Variants in ATP6V1C2 observed in about 807,000 individuals in gnomAD.
The protein encoded by ATP6V1C2 is V-type proton ATPase subunit C 2.
A neutral mutation model predicts 56.8 loss-of-function variants in ATP6V1C2; 45 were observed. The ratio of observed to expected loss-of-function variants is 0.79; its 90% CI spans 0.62 to 1.02. The LOEUF (loss-of-function observed/expected upper bound fraction) is 1.02. Ranked by LOEUF, ATP6V1C2 falls within the 50% of genes least tolerant of loss-of-function variation. The pLI is 0.00. For synonymous variants in ATP6V1C2, 220 were observed against 201.3 expected, an observed-to-expected ratio of 1.09 and a Z score of -0.79; for missense variants, 463 against 519.7, an observed-to-expected ratio of 0.89 and a Z score of 1.06.
At chr2:10,772,023 AG>A in intron 7 of ATP6V1C2, 86 bp downstream of exon 7, 1 of 1,190,600 alleles carries the variant, frequency 8.4e-7, no homozygotes. Flanking sequence ...AGTGTGGACG[AG>A]GATGCTCCCT....
intron 3 of ATP6V1C2, among the ~76,000 whole-genome samples, chr2:10,748,014 T>C (rs1167664714): frequency 1.3e-5 from 2 of 152,094 alleles, no homozygotes; most frequent in African/African-American, 4.8e-5. Context: ...TGGAAGAGTT[T>C]AGGGTTTAGA....
intron 12 of ATP6V1C2, among the ~76,000 whole-genome samples, chr2:10,779,506 T>C (rs1216128395): frequency 6.8e-6 from 1 of 147,142 alleles, no homozygotes; most frequent in African/African-American, 2.5e-5. Context: ...GCCAACATGG[T>C]GAAACCCCAC....
chr2:10,759,660 G>A lies in ATP6V1C2; in HGVS notation c.284-4671G>A, dbSNP rs114033205. 4.8e-3 allele frequency among the ~76,000 whole-genome samples: 729 copies of A among 152,236 alleles called. 9 individuals carry two copies. The highest frequency in any genetic ancestry group is 0.017 in the African/African-American group (699 of 41,548). ...GGCCTGTGTGTTCCAAGCAGCAGAG[G>A]GCAAGCTGTGGTGCTGTGAGTACAG... On this transcript the variant is annotated intron_variant, in intron 4 of 13. Transcript: ENST00000272238.
rs565409288 is a variant in ATP6V1C2, at chr2:10,767,212, G to C, written c.379-1507G>C. ...GTCTCACTGTGTTGCCCAGACTGGA[G>C]TGCAGTGGTGTGATCTTGGTTCACT... On this transcript the variant is annotated intron_variant, in intron 5 of 13. Transcript: ENST00000272238. Among the ~76,000 whole-genome samples, 149 of 136,782 alleles carry C rather than the reference G, an allele frequency of 1.1e-3. 1 individual carries two copies. The South Asian group carries it at 0.013, about 12-fold the overall frequency. The allele number at this position is 136,782 out of a possible 152,430, so 89.7% of individuals were successfully genotyped here.
chr2:10,753,919 T>C lies in ATP6V1C2; in HGVS notation c.198-62T>C, dbSNP rs1273381757. 8 of 1,419,136 alleles carry C rather than the reference T, an allele frequency of 5.6e-6. No homozygotes were observed. The East Asian group carries it at 2.0e-4, about 35-fold the overall frequency. 87.9% of individuals were successfully genotyped at this position (1,419,136 alleles called of 1,614,324 possible). A position where few individuals can be genotyped will look rare whatever the true frequency, so the allele number is the denominator to read the frequency against. On this transcript the variant is annotated intron_variant, in intron 3 of 13. Transcript: ENST00000272238. Reference sequence around the variant, plus strand: ...CCAGCTACTTTTCCTGCCAGCAGCATGTGACAGTATTTTGAGGACAGCTTC... The same window carrying C: ...CCAGCTACTTTTCCTGCCAGCAGCACGTGACAGTATTTTGAGGACAGCTTC...
chr2:10,749,545 C>T (rs1389841252), intron 3 of ATP6V1C2, among the ~76,000 whole-genome samples: 1 of 152,052 alleles, frequency 6.6e-6, no homozygotes, highest in African/African-American at 2.4e-5. Flanking sequence ...ATTCATAATA[C>T]CTGTGTTGGC....
chr2:10,781,546 G>A (rs1665356995), intron 12 of ATP6V1C2, among the ~76,000 whole-genome samples: 1 of 152,102 alleles, frequency 6.6e-6, no homozygotes, highest in Non-Finnish European at 1.5e-5. Context: ...TTATCTTTAT[G>A]GCAGCCCCGT....
chr2:10,759,614 CACCCCAGG>C (rs1663777614), intron 4 of ATP6V1C2, among the ~76,000 whole-genome samples: 1 of 152,144 alleles, frequency 6.6e-6, no homozygotes, highest in South Asian at 2.1e-4. Context: ...TTAGTGACTG[CACCCCAGG>C]CAGGGGAGGC....
intron 4 of ATP6V1C2, among the ~76,000 whole-genome samples, chr2:10,758,523 C>T (rs1329322405): frequency 6.6e-6 from 1 of 152,136 alleles, no homozygotes; most frequent in African/African-American, 2.4e-5. Context: ...GAGTTCGAGG[C>T]TATAGTGCCC....
chr2:10,754,717 C>T (rs929994628), intron 4 of ATP6V1C2, among the ~76,000 whole-genome samples: 7 of 151,998 alleles, frequency 4.6e-5, no homozygotes, highest in South Asian at 2.1e-4. Context: ...GGACAACAGG[C>T]GCCCGCCACC....
chr2:10,755,193 T>C (rs923986683), intron 4 of ATP6V1C2, among the ~76,000 whole-genome samples: 1 of 152,144 alleles, frequency 6.6e-6, no homozygotes, highest in Non-Finnish European at 1.5e-5. Context: ...TATGCCGCCA[T>C]GTCCAGCTAG....
intron 3 of ATP6V1C2, among the ~76,000 whole-genome samples, chr2:10,735,712 T>A (rs184195852): frequency 1.3e-5 from 2 of 151,488 alleles, no homozygotes; most frequent in Admixed American, 6.6e-5. Flanking sequence ...TGCCTCAGCC[T>A]CCTACAGGAG....
intron 2 of ATP6V1C2, among the ~76,000 whole-genome samples, chr2:10,725,246 T>G (rs931246103): frequency 9.2e-5 from 14 of 151,766 alleles, no homozygotes; most frequent in Admixed American, 3.9e-4. Flanking sequence ...AAACCCCATC[T>G]CTACTAAAAA....
chr2:10,741,667 A>T (rs1378940439), intron 3 of ATP6V1C2, among the ~76,000 whole-genome samples: 4 of 151,586 alleles, frequency 2.6e-5, no homozygotes, highest in Non-Finnish European at 4.4e-5. Flanking sequence ...ACCAGCTGAC[A>T]TGTGGCCACC....
intron 3 of ATP6V1C2, among the ~76,000 whole-genome samples, chr2:10,735,477 A>G (rs1422090079): frequency 6.6e-6 from 1 of 152,132 alleles, no homozygotes; most frequent in Non-Finnish European, 1.5e-5. Context: ...CCAGCCTTAG[A>G]CATTTTTTAA....
At chr2:10,772,994 G>A (rs940409809) in intron 8 of ATP6V1C2, among the ~76,000 whole-genome samples, 2 of 152,248 alleles carry the variant, frequency 1.3e-5, no homozygotes, top group Non-Finnish European at 2.9e-5. Context: ...AGCGGGAGCC[G>A]GGAGGGAAAG....
rs1572565633 is a variant in ATP6V1C2 at position 10,758,715 on chromosome 2, T to C, written c.283+4649T>C. On this transcript the variant is annotated intron_variant, in intron 4 of 13. Coordinates refer to ENST00000272238, the MANE Select transcript of ATP6V1C2 (RefSeq NM_001039362.2). ...GTCTTGCTCTGTCGCCAGGCTGGAA[T>C]GCAGTGGTGGGATCTCGGCACACTG... is the stretch of plus-strand genomic sequence containing the variant. 3.3e-5 allele frequency among the ~76,000 whole-genome samples: 5 copies of C among 152,052 alleles called. No homozygotes were observed. In the South Asian group the frequency reaches 1.0e-3, roughly 32 times the overall value.
chr2:10,745,041 CTTTTTT>C (rs5829274), intron 3 of ATP6V1C2, among the ~76,000 whole-genome samples: 11 of 113,314 alleles, frequency 9.7e-5, no homozygotes, highest in African/African-American at 3.1e-4. Flanking sequence ...TATTTATTTT[CTTTTTT>C]TTTTTTTTTT....
At chr2:10,739,140 G>A (rs559614429) in intron 3 of ATP6V1C2, among the ~76,000 whole-genome samples, 21 of 152,212 alleles carry the variant, frequency 1.4e-4, no homozygotes, top group Non-Finnish European at 2.6e-4. Context: ...AAAATTAGCT[G>A]GGCATTGTGG....
Sources: allele counts gnomAD v4.1 joint callset (sites outside exome capture counted in the v4.1 genomes callset), GRCh38; gene constraint gnomAD v4.1.1; transcripts MANE v1.5; gene names NCBI Gene and HGNC (gene_info 2026-07-23, HGNC 2026-07-21).